The following COL24A1 variants were observed in gnomAD, a reference collection of about 807,000 sequenced individuals.
COL24A1 encodes the protein collagen alpha-1(XXIV) chain.
Under a neutral mutation model 253.9 loss-of-function variants are expected in COL24A1, and 224 were observed. The observed-to-expected ratio is 0.88, with a 90% CI of 0.79 to 0.99. The LOEUF is 0.99. COL24A1 is among the 50% of genes least tolerant of loss of function. The pLI, the probability that COL24A1 is intolerant of heterozygous loss-of-function variation, is 0.00. For missense variants in COL24A1, 2,131 were observed against 2,068.5 expected (o/e 1.03, Z -0.59); for synonymous variants, 685 against 673.7 (o/e 1.02, Z -0.26).
chr1:85,889,609 A>T lies in COL24A1; in HGVS notation c.2927T>A (p.Leu976Ter). ...ACCTGTACTTCCAGGCAATCCCTGT[A>T]AACCCTGGACAAATAAAGGCAATAC... ...GERGFQGKPG[L>*]QGLPGSTGDR... The change falls in exon 32 of 60, where the codon TTA (leucine) becomes TAA (stop). Residue 976 changes from leucine (L) to a stop codon, truncating the protein, a stop_gained. Coordinates refer to ENST00000370571, the MANE Select transcript of COL24A1 (RefSeq NM_152890.7). LOFTEE classifies it high-confidence loss of function. The T allele has an allele frequency of 6.2e-7, 1 of 1,613,224 alleles. No homozygotes were observed. The highest frequency in any genetic ancestry group is 1.3e-5 in the African/African-American group (1 of 75,012).
At position 85,799,379 on chromosome 1, in the gene COL24A1, T is replaced by TA. The variant is rs66952563; in HGVS notation, c.3952-12919dup. Reference sequence around the variant, plus strand: ...CCAAGGAACACCATGGTGCCATGACTAAAAAAAAAAAAAAAAAAAAAAAAA... The same window carrying TA: ...CCAAGGAACACCATGGTGCCATGACTAAAAAAAAAAAAAAAAAAAAAAAAAA... On this transcript the variant is annotated intron_variant, in intron 47 of 59. Transcript: ENST00000370571. Among the ~76,000 whole-genome samples, 784 of 112,272 alleles carry TA rather than the reference T, an allele frequency of 7.0e-3. 8 individuals are homozygous for TA. Among genetic ancestry groups the TA allele is most frequent in the Middle Eastern group, 0.025 (5 of 202 alleles). The allele number at this position is 112,272 out of a possible 152,430, so 73.7% of individuals were successfully genotyped here.
chr1:86,096,341 A>G (rs1703890136), intron 5 of COL24A1, among the ~76,000 whole-genome samples: 1 of 152,116 alleles, frequency 6.6e-6, no homozygotes, highest in Non-Finnish European at 1.5e-5. Context: ...CACAAAGGAA[A>G]CACTAAATGA....
At chr1:85,799,248 A>AAAGAAAGAAAGAAAG (rs376013377) in intron 47 of COL24A1, among the ~76,000 whole-genome samples, 19 of 144,306 alleles carry the variant, frequency 1.3e-4, no homozygotes, top group South Asian at 2.2e-4. Flanking sequence ...AGAAAGAAAG[A>AAAGAAAGAAAGAAAG]AAAGAAAAGA....
At chr1:85,736,370 T>C (rs1557930627) in intron 58 of COL24A1, 2 of 456,352 alleles carry the variant, frequency 4.4e-6, no homozygotes. Flanking sequence ...CTATTTCCTC[T>C]GCACAGTTCA....
At position 85,734,686 on chromosome 1, in the gene COL24A1, T is replaced by A. The variant is rs547785795; in HGVS notation, c.4998+63A>T. The A allele has an allele frequency of 3.4e-4, 486 of 1,420,936 alleles. 7 individuals carry two copies. In the South Asian group the frequency reaches 5.4e-3, roughly 16 times the overall value. 88.0% of individuals were successfully genotyped at this position (1,420,936 alleles called of 1,614,324 possible). A position where few individuals can be genotyped will look rare whatever the true frequency, so the allele number is the denominator to read the frequency against. ...AAAGTCTTACTCTAATTATCCTAATTTTATGGTTTTATCAATTTTAAGTTA... is the reference window on the plus strand; with the variant it reads ...AAAGTCTTACTCTAATTATCCTAATATTATGGTTTTATCAATTTTAAGTTA... On this transcript the variant is annotated intron_variant, in intron 59 of 59. Transcript: ENST00000370571.
chr1:86,047,538 G>C (rs1699996550), intron 11 of COL24A1, among the ~76,000 whole-genome samples: 1 of 151,942 alleles, frequency 6.6e-6, no homozygotes, highest in Non-Finnish European at 1.5e-5. Flanking sequence ...CTTCATCTAT[G>C]ATGAGAAGAA....
Position 86,062,398 on chromosome 1 carries a change from G to GTT in COL24A1, c.1752+1315_1752+1316dup, listed in dbSNP as rs55641534. Among the ~76,000 whole-genome samples the GTT allele has an allele frequency of 1.2e-3, 173 of 148,156 alleles. 2 individuals are homozygous for GTT. Among genetic ancestry groups the GTT allele is most frequent in the African/African-American group, 3.8e-3 (153 of 40,596 alleles). On this transcript the variant is annotated intron_variant, in intron 8 of 59. Coordinates refer to ENST00000370571, the MANE Select transcript of COL24A1 (RefSeq NM_152890.7). ...CTCATAGTTAACACAAATTTTGCCT[G>GTT]TTTTTTTTTTCTGGAAACAAATAGA...
chr1:85,890,420 T>G (rs1459410505), intron 31 of COL24A1, among the ~76,000 whole-genome samples: 1 of 151,798 alleles, frequency 6.6e-6, no homozygotes, highest in East Asian at 1.9e-4. Context: ...TTCTTTTTTT[T>G]TTTTTAGAAC....
chr1:86,045,902 C>A, intron 12 of COL24A1: 1 of 426,918 alleles, frequency 2.3e-6, no homozygotes, highest in South Asian at 1.8e-5. Flanking sequence ...GAAGACAGAG[C>A]AGAAATATCT....
intron 38 of COL24A1, among the ~76,000 whole-genome samples, chr1:85,847,982 C>T (rs936941578): frequency 6.6e-6 from 1 of 152,024 alleles, no homozygotes; most frequent in Non-Finnish European, 1.5e-5. Context: ...TTTGACCAAA[C>T]AAGCAGGGGG....
intron 47 of COL24A1, among the ~76,000 whole-genome samples, chr1:85,789,623 T>G (rs1307969555): frequency 6.6e-6 from 1 of 152,158 alleles, no homozygotes; most frequent in Non-Finnish European, 1.5e-5. Flanking sequence ...ATCCTTGCCT[T>G]GTGCCAGTTT....
chr1:85,730,389 TC>T lies in COL24A1; in HGVS notation c.*156del. ...CATAGTCCTTTAAAAATGCCTTTTC[TC>T]CTTCTTAGGAGGAAGTCTGTTCTTC... On this transcript the variant is annotated 3_prime_UTR_variant, in exon 60 of 60. Transcript: ENST00000370571. 1.5e-6 allele frequency: 1 copy of T among 664,656 alleles called. No homozygotes were observed. The highest frequency in any genetic ancestry group is 2.4e-6 in the Non-Finnish European group (1 of 421,738). The allele number at this position is 664,656 out of a possible 1,614,324, so 41.2% of individuals were successfully genotyped here.
chr1:85,980,916 C>T (rs573745412), intron 20 of COL24A1, among the ~76,000 whole-genome samples: 38 of 142,256 alleles, frequency 2.7e-4, no homozygotes, highest in African/African-American at 9.3e-4. Context: ...GACTCCGTCT[C>T]AAAAAAAAAA....
At chr1:86,149,218 ATAAT>A (rs1652383078) in intron 1 of COL24A1, among the ~76,000 whole-genome samples, 1 of 152,182 alleles carries the variant, frequency 6.6e-6, no homozygotes, top group Non-Finnish European at 1.5e-5. Context: ...TTAAAAACTA[ATAAT>A]TGGATCTTTC....
intron 24 of COL24A1, among the ~76,000 whole-genome samples, chr1:85,922,024 C>T (rs1434929156): frequency 6.6e-6 from 1 of 151,894 alleles, no homozygotes; most frequent in African/African-American, 2.4e-5. Context: ...GACGCATGCA[C>T]AAGCTTCAAT....
At chr1:85,955,820 T>A (rs1690402527) in intron 24 of COL24A1, among the ~76,000 whole-genome samples, 1 of 152,258 alleles carries the variant, frequency 6.6e-6, no homozygotes, top group South Asian at 2.1e-4. Context: ...TTCTACGATA[T>A]TTTTTTCTGG....
At chr1:85,797,349 G>T (rs1670942025) in intron 47 of COL24A1, among the ~76,000 whole-genome samples, 1 of 152,114 alleles carries the variant, frequency 6.6e-6, no homozygotes, top group South Asian at 2.1e-4. Context: ...GATGGAGGCA[G>T]TGTACTGAGC....
chr1:86,011,113 A>G (rs1696447629), intron 19 of COL24A1, among the ~76,000 whole-genome samples: 1 of 152,176 alleles, frequency 6.6e-6, no homozygotes, highest in Non-Finnish European at 1.5e-5. Context: ...ACTTTTCTGG[A>G]AGAAAGTACA....
intron 5 of COL24A1, among the ~76,000 whole-genome samples, chr1:86,100,144 C>T (rs1475123893): frequency 6.6e-6 from 1 of 151,992 alleles, no homozygotes; most frequent in East Asian, 1.9e-4. Context: ...AAAATCTTTA[C>T]CAATAGAATT....
Sources: gnomAD v4.1 joint callset for allele counts (sites outside exome capture counted in the v4.1 genomes callset) on GRCh38, gnomAD v4.1.1 for gene constraint, MANE v1.5 for transcripts, NCBI Gene and HGNC (gene_info 2026-07-23, HGNC 2026-07-21) for gene names.